The following HGF variants were observed in gnomAD, a reference collection of about 807,000 sequenced individuals.
HGF encodes hepatocyte growth factor.
Under a neutral mutation model 111.6 loss-of-function variants are expected in HGF, and 39 were observed. That is an observed-to-expected ratio of 0.35 (90% CI 0.27 to 0.46). HGF has a LOEUF of 0.46. Ranked by LOEUF, HGF falls within the 20% of genes least tolerant of loss-of-function variation. The pLI, the probability that HGF is intolerant of heterozygous loss-of-function variation, is 1.00. For synonymous variants in HGF, 285 were observed against 294.8 expected (o/e 0.97, Z 0.34); for missense variants, 735 against 910.5 (o/e 0.81, Z 2.48).
chr7:81,747,191 T>G (rs1415939985), intron 5 of HGF, among the ~76,000 whole-genome samples: 1 of 151,942 alleles, frequency 6.6e-6, no homozygotes, highest in Admixed American at 6.6e-5. Flanking sequence ...ATAAAAAAAT[T>G]AATCAGGTGT....
At chr7:81,740,925 G>A (rs1353220468) in intron 7 of HGF, among the ~76,000 whole-genome samples, 4 of 152,100 alleles carry the variant, frequency 2.6e-5, no homozygotes, top group South Asian at 4.1e-4. Flanking sequence ...GATAATAAAC[G>A]TGTGTTGTTG....
At chr7:81,754,040 A>G (rs1788632707) in intron 4 of HGF, among the ~76,000 whole-genome samples, 2 of 151,986 alleles carry the variant, frequency 1.3e-5, no homozygotes, top group South Asian at 4.1e-4. Flanking sequence ...TGCACTAATC[A>G]AATTTATTTA....
At chr7:81,723,593 G>A (rs1789929537) in intron 9 of HGF, among the ~76,000 whole-genome samples, 1 of 150,812 alleles carries the variant, frequency 6.6e-6, no homozygotes, top group African/African-American at 2.4e-5. Flanking sequence ...AATATGTAGT[G>A]TTTTATCAAC....
At chr7:81,745,265 T>C in intron 5 of HGF, 145 bp from the exon 6 acceptor site, 1 of 779,366 alleles carries the variant, frequency 1.3e-6, no homozygotes, top group Non-Finnish European at 2.2e-6. Flanking sequence ...TAGGGCCTAA[T>C]GTCTATAAAT....
chr7:81,765,692 A>G (rs566886086), intron 1 of HGF, among the ~76,000 whole-genome samples: 1 of 152,314 alleles, frequency 6.6e-6, no homozygotes, highest in South Asian at 2.1e-4. Context: ...TCCTTATACA[A>G]TAAAAGAAAA....
chr7:81,710,296 G>A, intron 12 of HGF, 53 bp from the exon 13 acceptor site: 1 of 1,140,062 alleles, frequency 8.8e-7, no homozygotes, highest in Non-Finnish European at 1.3e-6. Context: ...GAAATAATCA[G>A]TGCCTCTTAG....
At chr7:81,736,371 G>C (rs1787826229) in intron 7 of HGF, among the ~76,000 whole-genome samples, 1 of 151,990 alleles carries the variant, frequency 6.6e-6, no homozygotes, top group Admixed American at 6.6e-5. Flanking sequence ...CAGGTCAACG[G>C]TCATAGTTTT....
At chr7:81,766,948 A>C (rs1789386216) in intron 1 of HGF, among the ~76,000 whole-genome samples, 1 of 152,220 alleles carries the variant, frequency 6.6e-6, no homozygotes, top group African/African-American at 2.4e-5. Flanking sequence ...ACTCACAGAC[A>C]ATATTCCCCA....
At chr7:81,720,321 A>G (rs889211323) in intron 10 of HGF, among the ~76,000 whole-genome samples, 9 of 152,202 alleles carry the variant, frequency 5.9e-5, no homozygotes, top group Non-Finnish European at 1.2e-4. Context: ...TTCATAAACT[A>G]TCAATTATTA....
intron 5 of HGF, among the ~76,000 whole-genome samples, chr7:81,746,235 A>G (rs1022797073): frequency 2.0e-5 from 3 of 152,222 alleles, no homozygotes; most frequent in African/African-American, 7.2e-5. Context: ...GGCTTGATCC[A>G]TCTGCTTTCC....
At chr7:81,759,298 C>T (rs1469613261) in intron 2 of HGF, among the ~76,000 whole-genome samples, 1 of 152,060 alleles carries the variant, frequency 6.6e-6, no homozygotes, top group East Asian at 1.9e-4. Context: ...TCTAAAATGA[C>T]ATTTTCTAAG....
intron 9 of HGF, among the ~76,000 whole-genome samples, chr7:81,725,419 C>G (rs1156903773): frequency 5.9e-5 from 9 of 152,146 alleles, no homozygotes; most frequent in Admixed American, 3.3e-4. Context: ...ACATGCTGCT[C>G]CCTCACTGCC....
chr7:81,758,064 A>T (rs1788871833), intron 3 of HGF, among the ~76,000 whole-genome samples: 1 of 152,122 alleles, frequency 6.6e-6, no homozygotes, highest in Admixed American at 6.5e-5. Context: ...ATTTAATAGG[A>T]CATGGTTGTT....
chr7:81,753,606 T>C (rs962938279), intron 4 of HGF, among the ~76,000 whole-genome samples: 1 of 152,070 alleles, frequency 6.6e-6, no homozygotes, highest in African/African-American at 2.4e-5. Flanking sequence ...TCTTTCATTT[T>C]GACATGAGTG....
chr7:81,725,703 T>C (rs2115901937), intron 9 of HGF, among the ~76,000 whole-genome samples, 187 bp downstream of exon 9: 1 of 152,302 alleles, frequency 6.6e-6, no homozygotes, highest in Non-Finnish European at 1.5e-5. Context: ...TAGCATACAC[T>C]CAGCTAAATA....
At chr7:81,754,771 A>G (rs1241205112) in intron 4 of HGF, among the ~76,000 whole-genome samples, 1 of 151,682 alleles carries the variant, frequency 6.6e-6, no homozygotes, top group East Asian at 1.9e-4. Context: ...GCTTTTCTTT[A>G]GCACCCCATA....
At chr7:81,768,704 A>G (rs1789486814) in intron 1 of HGF, among the ~76,000 whole-genome samples, 1 of 152,160 alleles carries the variant, frequency 6.6e-6, no homozygotes, top group Non-Finnish European at 1.5e-5. Context: ...AACATGACAC[A>G]TGTCAAGCAT....
At chr7:81,768,017 G>A (rs531743912) in intron 1 of HGF, among the ~76,000 whole-genome samples, 16 of 152,118 alleles carry the variant, frequency 1.1e-4, no homozygotes, top group Non-Finnish European at 1.8e-4. Context: ...ATTATTCACA[G>A]CATATTTGTA....
chr7:81,715,980 A>T (rs1417509257), intron 11 of HGF, among the ~76,000 whole-genome samples: 5 of 152,216 alleles, frequency 3.3e-5, no homozygotes, highest in Admixed American at 3.3e-4. Flanking sequence ...CGTTGTAAAC[A>T]TAGAGTTACA....
Sources: gnomAD v4.1 joint callset for allele counts (sites outside exome capture counted in the v4.1 genomes callset) on GRCh38, gnomAD v4.1.1 for gene constraint, MANE v1.5 for transcripts, NCBI Gene and HGNC (gene_info 2026-07-23, HGNC 2026-07-21) for gene names.